The following XKR6 variants were observed in gnomAD, a reference collection of about 807,000 sequenced individuals.
XKR6 encodes XK related 6.
XKR6 carries 22 observed loss-of-function variants against 56.7 expected under a neutral mutation model. The ratio of observed to expected loss-of-function variants is 0.39; its 90% CI spans 0.28 to 0.55. The LOEUF is 0.55. XKR6 is among the 20% of genes least tolerant of loss of function. XKR6 has a pLI of 0.66. For synonymous variants in XKR6, 524 were observed against 387.8 expected (o/e 1.35, Z -4.13); for missense variants, 852 against 889.0 (o/e 0.96, Z 0.53).
chr8:10,927,709 C>A (rs1487133660), intron 1 of XKR6, among the ~76,000 whole-genome samples: 6 of 152,120 alleles, frequency 3.9e-5, no homozygotes, highest in Non-Finnish European at 7.4e-5. Flanking sequence ...CAGAATACAC[C>A]AATTCAACTG....
Position 10,898,115 on chromosome 8 carries a change from T to C in XKR6, c.1763A>G (p.Asp588Gly). ...AGCTGGGTATCGCTTTCTTGGCATG[T>C]CAATCTTAATGAGGGGCCCTTCTGG... ...YLPEGPLIKIDMPRKRYPAWD... is the reference protein window; with the variant it reads ...YLPEGPLIKIGMPRKRYPAWD... The change falls in exon 3 of 3, where the codon GAC (aspartate) becomes GGC (glycine). Residue 588 changes from aspartate (D) to glycine (G), a missense_variant. This residue lies in a region of XKR6 where 197 missense variants were observed against 190.9 expected (regional missense o/e 1.03). Transcript: ENST00000416569. This position sits in a 1 kb window ranked among gnomAD's most constrained non-coding sequence, Gnocchi z 6.6. 2 of 1,614,172 alleles carry C rather than the reference T, an allele frequency of 1.2e-6. No homozygotes were observed. Among genetic ancestry groups the C allele is most frequent in the Non-Finnish European group, 1.7e-6 (2 of 1,180,034 alleles).
chr8:11,146,891 T>C (rs1237371541), intron 1 of XKR6, among the ~76,000 whole-genome samples: 1 of 151,900 alleles, frequency 6.6e-6, no homozygotes, highest in African/African-American at 2.4e-5. Flanking sequence ...AAATACCACA[T>C]AATCTCACTT....
intron 1 of XKR6, among the ~76,000 whole-genome samples, chr8:10,974,880 G>A (rs1375327057): frequency 1.3e-5 from 2 of 152,238 alleles, no homozygotes; most frequent in Admixed American, 6.5e-5. Flanking sequence ...AGGTTCTGTA[G>A]ACGGATGATG....
In XKR6 at chr8:11,053,642, G is replaced by A. The variant is rs180911388; in HGVS notation, c.765-128812C>T. Among the ~76,000 whole-genome samples the A allele has an allele frequency of 3.1e-3, 477 of 152,320 alleles. 2 individuals carry two copies. Among genetic ancestry groups the A allele is most frequent in the African/African-American group, 0.011 (454 of 41,560 alleles). ...ACTGGCAGTACTAGAATTTATCAAC[G>A]GCTTGTTCTCTCTGGAACCAGCTTT... On this transcript the variant is annotated intron_variant, in intron 1 of 2. Coordinates refer to ENST00000416569, the MANE Select transcript of XKR6 (RefSeq NM_173683.4).
chr8:11,111,035 T>TC, intron 1 of XKR6, among the ~76,000 whole-genome samples: 1 of 147,782 alleles, frequency 6.8e-6, no homozygotes, highest in East Asian at 2.0e-4. Flanking sequence ...TTTTTTTTTT[T>TC]AGTAGAGACA....
intron 1 of XKR6, among the ~76,000 whole-genome samples, chr8:11,180,741 CA>C (rs200435649): frequency 2.6e-4 from 40 of 151,464 alleles, no homozygotes; most frequent in South Asian, 1.0e-3. Context: ...CCCAACTCCA[CA>C]AAAAAAATAT....
In XKR6 at chr8:11,201,233, C is replaced by A; in HGVS notation, c.107G>T (p.Gly36Val). The change falls in exon 1 of 3, where the codon GGA (glycine) becomes GTA (valine). Residue 36 changes from glycine (G) to valine (V), a missense_variant. Gly to Val is a moderately radical substitution (Grantham distance 109). This residue lies in a region of XKR6 where 417 missense variants were observed against 355.2 expected (regional missense o/e 1.17). Transcript: ENST00000416569. ...SGGEEDGEPG[G>V]GGCGGGGDGS... ...GTCGCCGCCGCCGCCGCAGCCGCCT[C>A]CCCCGGGCTCCCCGTCCTCCTCGCC... 1.3e-6 allele frequency: 2 copies of A among 1,551,348 alleles called. No individual in the cohort carries two copies. Among genetic ancestry groups the A allele is most frequent in the Non-Finnish European group, 1.7e-6 (2 of 1,157,400 alleles).
At chr8:10,942,903 A>C (rs1235806178) in intron 1 of XKR6, among the ~76,000 whole-genome samples, 1 of 152,258 alleles carries the variant, frequency 6.6e-6, no homozygotes, top group Non-Finnish European at 1.5e-5. Flanking sequence ...AGGGTGGAAC[A>C]GTTGCCTCCT....
chr8:10,950,710 A>G (rs1041564005), intron 1 of XKR6, among the ~76,000 whole-genome samples: 16 of 152,214 alleles, frequency 1.1e-4, no homozygotes, highest in Non-Finnish European at 1.3e-4. Context: ...AGAACTTGAG[A>G]TGGCGAGAAC....
At chr8:10,973,979 G>GT (rs1006065007) in intron 1 of XKR6, among the ~76,000 whole-genome samples, 10 of 151,778 alleles carry the variant, frequency 6.6e-5, no homozygotes, top group African/African-American at 1.2e-4. Context: ...TATCATTCCA[G>GT]TTTTTTTTTA....
intron 1 of XKR6, among the ~76,000 whole-genome samples, chr8:11,029,148 G>A (rs1398368359): frequency 1.3e-5 from 2 of 152,046 alleles, no homozygotes; most frequent in Non-Finnish European, 2.9e-5. Flanking sequence ...CAAGAACCCA[G>A]CCCTATCTCT....
chr8:11,141,067 G>C (rs1207089030), intron 1 of XKR6, among the ~76,000 whole-genome samples: 1 of 152,104 alleles, frequency 6.6e-6, no homozygotes. Context: ...ATTACAACAC[G>C]TAATGGTTAC....
chr8:11,177,495 T>TC (rs1240390969), intron 1 of XKR6, among the ~76,000 whole-genome samples: 38 of 151,992 alleles, frequency 2.5e-4, no homozygotes, highest in Admixed American at 2.5e-3. Context: ...CCTAACCCCC[T>TC]CCCCCAAAAA....
At chr8:11,029,561 C>T (rs1010879349) in intron 1 of XKR6, among the ~76,000 whole-genome samples, 6 of 152,158 alleles carry the variant, frequency 3.9e-5, no homozygotes, top group Non-Finnish European at 7.3e-5. Flanking sequence ...ACCAAGAACT[C>T]GGGCATGGTT....
chr8:11,053,979 G>T (rs4841486), intron 1 of XKR6, among the ~76,000 whole-genome samples: 54,190 of 152,052 alleles, frequency 0.36, 11,245 homozygotes, highest in African/African-American at 0.56. Context: ...TGAACCAATG[G>T]GCTACAAAGA....
intron 2 of XKR6, among the ~76,000 whole-genome samples, chr8:10,900,642 CT>C (rs199745628): frequency 6.6e-6 from 1 of 152,248 alleles, no homozygotes; most frequent in East Asian, 1.9e-4. Flanking sequence ...GGCAATTTTC[CT>C]TTTCTTTTCT....
intron 1 of XKR6, chr8:11,123,891 G>A (rs1054022051): frequency 8.8e-6 from 4 of 456,096 alleles, no homozygotes; most frequent in African/African-American, 8.0e-5. Context: ...TCTCTTCTGG[G>A]ACTGCCCTTC....
intron 2 of XKR6, 61 bp downstream of exon 2, chr8:10,924,573 G>T: frequency 6.5e-7 from 1 of 1,548,822 alleles, no homozygotes; most frequent in Non-Finnish European, 8.7e-7. Flanking sequence ...TGTGGGAGGC[G>T]GCCGTGGTCC....
In XKR6 at chr8:11,160,392, A is replaced by T. The variant is rs190570419; in HGVS notation, c.764+40184T>A. On this transcript the variant is annotated intron_variant, in intron 1 of 2. Coordinates refer to ENST00000416569, the MANE Select transcript of XKR6 (RefSeq NM_173683.4). ...TGAAGCTGAGATGGCCTTTATGGGG[A>T]AAAAAAAAAGGAATAATGATGGGGA... Among the ~76,000 whole-genome samples, 24 of 148,162 alleles carry T rather than the reference A, an allele frequency of 1.6e-4. No individual in the cohort carries two copies. The South Asian group carries it at 4.3e-3, about 27-fold the overall frequency.
Sources: gnomAD v4.1 joint callset for allele counts (sites outside exome capture counted in the v4.1 genomes callset) on GRCh38, gnomAD v4.1.1 for gene constraint, gnomAD v4.1.1 regional missense constraint, Gnocchi (gnomAD v3.1) non-coding constraint, MANE v1.5 for transcripts, NCBI Gene and HGNC (gene_info 2026-07-23, HGNC 2026-07-21) for gene names.